LRRC31: variants seen among roughly 807,000 people sequenced by gnomAD.
LRRC31 encodes leucine rich repeat containing 31.
Under a neutral mutation model 46.7 loss-of-function variants are expected in LRRC31, and 35 were observed. The ratio of observed to expected loss-of-function variants is 0.75; its 90% CI spans 0.57 to 0.99. The LOEUF (loss-of-function observed/expected upper bound fraction) is 0.99, where lower values mean the gene tolerates loss of function less well. Among genes scored for constraint, LRRC31 ranks in the 50% least tolerant of loss-of-function variants. The pLI is 0.00. For synonymous variants in LRRC31, 236 were observed against 235.1 expected (o/e 1.00, Z -0.03); for missense variants, 613 against 626.1 (o/e 0.98, Z 0.22).
At chr3:169,856,959 G>T in intron 3 of LRRC31, 87 bp from the exon 4 acceptor site, 1 of 1,335,318 alleles carries the variant, frequency 7.5e-7, no homozygotes, top group Non-Finnish European at 1.0e-6. Context: ...CATGATTAAT[G>T]GAGTGTGGAA....
At chr3:169,841,505 T>G (rs1780447707) in intron 8 of LRRC31, among the ~76,000 whole-genome samples, 1 of 152,224 alleles carries the variant, frequency 6.6e-6, no homozygotes, top group Admixed American at 6.5e-5. Context: ...TAGGTGTTCA[T>G]GTCAGTGTGT....
chr3:169,848,550 G>A (rs553320936), intron 7 of LRRC31, among the ~76,000 whole-genome samples: 14 of 152,204 alleles, frequency 9.2e-5, no homozygotes, highest in East Asian at 1.9e-4. Context: ...TCCGCCTCCC[G>A]GGTTCAAGTG....
At chr3:169,848,704 C>T (rs1250917422) in intron 7 of LRRC31, among the ~76,000 whole-genome samples, 2 of 152,200 alleles carry the variant, frequency 1.3e-5, no homozygotes, top group Admixed American at 6.5e-5. Context: ...GATCCGCCAG[C>T]CTTGGCCTCC....
chr3:169,844,766 T>A (rs961632058), intron 8 of LRRC31, among the ~76,000 whole-genome samples: 2 of 151,950 alleles, frequency 1.3e-5, no homozygotes, highest in Non-Finnish European at 2.9e-5. Context: ...ACCCCGTCTG[T>A]ATTAAAAACA....
At chr3:169,851,537 C>G (rs780720380) in intron 7 of LRRC31, 82 bp downstream of exon 7, 1 of 1,386,564 alleles carries the variant, frequency 7.2e-7, no homozygotes, top group Non-Finnish European at 9.9e-7. Flanking sequence ...ACTGGCTGAG[C>G]CTTGGAATGA....
In LRRC31 at chr3:169,867,059, G is replaced by GTT. The variant is rs547270762; in HGVS notation, c.175+2572_175+2573dup. Among the ~76,000 whole-genome samples the GTT allele has an allele frequency of 3.0e-3, 319 of 105,264 alleles. 9 individuals carry two copies. Among genetic ancestry groups the GTT allele is most frequent in the African/African-American group, 0.015 (274 of 17,948 alleles). The allele number at this position is 105,264 out of a possible 152,430, so 69.1% of individuals were successfully genotyped here. A position where few individuals can be genotyped will look rare whatever the true frequency, so the allele number is the denominator to read the frequency against. ...ATGGGTTTTTTTTGTTTGTTTGTTT[G>GTT]TTTTTTTTTTTTTGAGGGTCTTGCT... On this transcript the variant is annotated intron_variant, in intron 1 of 8. Transcript: ENST00000316428.
chr3:169,868,017 G>T (rs191115578), intron 1 of LRRC31, among the ~76,000 whole-genome samples: 10 of 152,326 alleles, frequency 6.6e-5, no homozygotes, highest in Admixed American at 2.0e-4. Context: ...TTATGCATAT[G>T]AGCATCATGT....
chr3:169,856,671 T>C, intron 4 of LRRC31, 34 bp downstream of exon 4: 1 of 1,533,462 alleles, frequency 6.5e-7, no homozygotes, highest in Non-Finnish European at 8.8e-7. Flanking sequence ...GTGGGCATCT[T>C]CACTTTTTTT....
chr3:169,867,711 T>C (rs1371576789), intron 1 of LRRC31, among the ~76,000 whole-genome samples: 1 of 152,234 alleles, frequency 6.6e-6, no homozygotes, highest in Non-Finnish European at 1.5e-5. Context: ...GGATTCTTTA[T>C]TCTATTTTTG....
In LRRC31 at chr3:169,848,375, C is replaced by G. The variant is rs112505466; in HGVS notation, c.1160-88G>C. On this transcript the variant is annotated intron_variant, in intron 7 of 8. Transcript: ENST00000316428. ...ATTTGAGGAAACTGGTCTAGGACAA[C>G]ACATGAATATAACTGGGGTTGAGAA... 14 of 1,207,036 alleles carry G rather than the reference C, an allele frequency of 1.2e-5. No individual in the cohort carries two copies. The South Asian group carries it at 1.4e-4, about 12-fold the overall frequency. The allele number at this position is 1,207,036 out of a possible 1,614,324, so 74.8% of individuals were successfully genotyped here. A position where few individuals can be genotyped will look rare whatever the true frequency, so the allele number is the denominator to read the frequency against.
At chr3:169,845,349 A>G (rs1439459000) in intron 8 of LRRC31, among the ~76,000 whole-genome samples, 1 of 152,230 alleles carries the variant, frequency 6.6e-6, no homozygotes, top group Non-Finnish European at 1.5e-5. Flanking sequence ...TAAAATAGAT[A>G]TTGACAATCT....
intron 8 of LRRC31, among the ~76,000 whole-genome samples, chr3:169,847,783 T>C (rs13074500): frequency 0.25 from 38,103 of 152,048 alleles, 5,479 homozygotes; most frequent in East Asian, 0.62. Flanking sequence ...AGTTAAGCAA[T>C]AGTGCTGGAA....
At chr3:169,847,449 C>T (rs1021759065) in intron 8 of LRRC31, among the ~76,000 whole-genome samples, 1 of 152,154 alleles carries the variant, frequency 6.6e-6, no homozygotes, top group Admixed American at 6.6e-5. Flanking sequence ...CCTCCCAAAG[C>T]GTTGGGATTA....
chr3:169,867,253 T>C (rs1781361928), intron 1 of LRRC31, among the ~76,000 whole-genome samples: 1 of 141,084 alleles, frequency 7.1e-6, no homozygotes, highest in Non-Finnish European at 1.5e-5. Flanking sequence ...AGTCTTTTTT[T>C]TTTTTTTTTT....
intron 1 of LRRC31, among the ~76,000 whole-genome samples, chr3:169,866,493 C>T (rs1387598343): frequency 6.6e-6 from 1 of 152,124 alleles, no homozygotes; most frequent in Non-Finnish European, 1.5e-5. Flanking sequence ...CACTCTAGAA[C>T]AAAAATGAAC....
At chr3:169,848,746 G>A (rs1248076880) in intron 7 of LRRC31, among the ~76,000 whole-genome samples, 4 of 152,196 alleles carry the variant, frequency 2.6e-5, no homozygotes, top group Non-Finnish European at 5.9e-5. Flanking sequence ...GTGAACCACC[G>A]CGCCCAGCCT....
chr3:169,869,266 G>C (rs1288068291), intron 1 of LRRC31, among the ~76,000 whole-genome samples: 2 of 151,874 alleles, frequency 1.3e-5, no homozygotes, highest in Non-Finnish European at 2.9e-5. Flanking sequence ...AGCTACTCGG[G>C]AGGCTGAGGC....
chr3:169,854,921 G>C lies in LRRC31; in HGVS notation c.883C>G (p.Leu295Val), dbSNP rs747240645. ...RKLDLSCNKD[L>V]GGGFEDSPAQ... is the part of the protein sequence containing the mutation. Reference sequence around the variant, plus strand: ...GGCGAGTCTTCAAAACCTCCACCTAGATCCTTATTGCAGGAAAGATCTAAT... The same window carrying C: ...GGCGAGTCTTCAAAACCTCCACCTACATCCTTATTGCAGGAAAGATCTAAT... Residue 295 changes from leucine (L) to valine (V), a missense_variant, in exon 6 of 9, where the codon CTA becomes GTA. By Grantham distance (32) the Leu-to-Val change is conservative (BLOSUM62 1). Transcript: ENST00000316428. The C allele has an allele frequency of 1.2e-6, 2 of 1,613,294 alleles. No individual in the cohort carries two copies. The highest frequency in any genetic ancestry group is 2.2e-5 in the South Asian group (2 of 91,074).
At position 169,839,814 on chromosome 3, in the gene LRRC31, G is replaced by A. The variant is rs1488333274; in HGVS notation, c.*168C>T. 2.2e-4 allele frequency: 46 copies of A among 207,300 alleles called. No homozygotes were observed. Among genetic ancestry groups the A allele is most frequent in the Middle Eastern group, 3.5e-3 (2 of 566 alleles). The allele number at this position is 207,300 out of a possible 1,614,324, so 12.8% of individuals were successfully genotyped here. The stretch of plus-strand genomic sequence containing the variant: ...GTATATTATATATATGTGTATATAT[G>A]TATATTACATATATATATGTAATAT... On this transcript the variant is annotated 3_prime_UTR_variant, in exon 9 of 9. Coordinates refer to ENST00000316428, the MANE Select transcript of LRRC31 (RefSeq NM_024727.4).
Sources: allele counts gnomAD v4.1 joint callset (sites outside exome capture counted in the v4.1 genomes callset), GRCh38; gene constraint gnomAD v4.1.1; transcripts MANE v1.5; gene names NCBI Gene and HGNC (gene_info 2026-07-23, HGNC 2026-07-21).